Variants in ABCB9 observed in about 807,000 individuals in gnomAD.
ABCB9 encodes the protein ATP binding cassette subfamily B member 9, also known as ABC-type oligopeptide transporter ABCB9.
ABCB9 carries 36 observed loss-of-function variants against 62.0 expected under a neutral mutation model. That is an observed-to-expected ratio of 0.58 (90% confidence interval 0.45 to 0.77). The LOEUF (loss-of-function observed/expected upper bound fraction) is 0.77, where lower values mean the gene tolerates loss of function less well. ABCB9 is among the 30% of genes least tolerant of loss of function. The pLI is 0.00. For synonymous variants in ABCB9, 435 were observed against 461.4 expected (o/e 0.94, Z 0.73); for missense variants, 943 against 1,054.7 (o/e 0.89, Z 1.47).
chr12:122,931,635 T>C (rs1047677441), intron 11 of ABCB9: 1 of 153,272 alleles, frequency 6.5e-6, no homozygotes, highest in Non-Finnish European at 1.4e-5. Context: ...TATTTTATTT[T>C]GTTTTGTTTT....
downstream of ABCB9, among the ~76,000 whole-genome samples, chr12:122,928,159 A>C (rs1275415922): frequency 6.6e-6 from 1 of 152,196 alleles, no homozygotes; most frequent in Non-Finnish European, 1.5e-5. Flanking sequence ...ATCCAATGAC[A>C]AGTGCTTTTA....
chr12:122,946,658 C>T (rs934395758), intron 5 of ABCB9, among the ~76,000 whole-genome samples: 2 of 152,254 alleles, frequency 1.3e-5, no homozygotes, highest in Non-Finnish European at 2.9e-5. Flanking sequence ...GCACCATTTA[C>T]ATCATCAACA....
At chr12:122,925,838 G>A (rs1306987000), downstream of ABCB9, among the ~76,000 whole-genome samples, 2 of 152,216 alleles carry the variant, frequency 1.3e-5, no homozygotes, top group African/African-American at 4.8e-5. Flanking sequence ...GGTGGAAACA[G>A]CCCAAATATC....
In ABCB9 at chr12:122,950,579, G is replaced by A. The variant is rs898561838; in HGVS notation, c.602-14C>T. The stretch of plus-strand genomic sequence containing the variant: ...GGAAGGTCTCTCCTGGGGGAGGCAG[G>A]GCAGCCTCAGGGACGTCTGCAGCCA... On this transcript the variant is annotated splice_polypyrimidine_tract_variant and intron_variant, in intron 2 of 11. Transcript: ENST00000280560. 6.2e-7 allele frequency: 1 copy of A among 1,604,912 alleles called. No homozygotes were observed. The highest frequency in any genetic ancestry group is 8.5e-7 in the Non-Finnish European group (1 of 1,176,220).
rs1173224186 is a variant in ABCB9, at chr12:122,944,570, C to A, written c.1252-51G>T. ...GGTCGAGGGGACCTTAGATCCCCCA[C>A]CATCCCCATTCCCTGACCCATCCCA... is the stretch of plus-strand genomic sequence containing the variant. On this transcript the variant is annotated intron_variant, in intron 6 of 11. Coordinates refer to ENST00000280560, the MANE Select transcript of ABCB9 (RefSeq NM_019625.4). The surrounding 1 kb of genome is among the most constrained non-coding windows in gnomAD (Gnocchi z 4.9). 6.2e-7 allele frequency: 1 copy of A among 1,601,434 alleles called. No homozygotes were observed. The highest frequency in any genetic ancestry group is 8.5e-7 in the Non-Finnish European group (1 of 1,172,928).
In ABCB9 at chr12:122,946,179, T is replaced by C. The variant is rs778268299; in HGVS notation, c.1097A>G (p.Asn366Ser). 1.9e-6 allele frequency: 3 copies of C among 1,614,044 alleles called. No individual in the cohort carries two copies. Among genetic ancestry groups the C allele is most frequent in the Non-Finnish European group, 1.7e-6 (2 of 1,180,036 alleles). Residue 366 changes from asparagine to serine, a missense_variant, in exon 6 of 12, where the codon AAC becomes AGC. Asn to Ser is a conservative substitution (Grantham distance 46, BLOSUM62 1). Coordinates refer to ENST00000280560, the MANE Select transcript of ABCB9 (RefSeq NM_019625.4). ...EVQNALARASNTAEETISAMK... is the reference protein window; with the variant it reads ...EVQNALARASSTAEETISAMK... The stretch of plus-strand genomic sequence containing the variant: ...GGCACTGATGGTCTCCTCCGCCGTG[T>C]TGCTCGCTCTGGCCAGGGCATTCTG...
chr12:122,968,804 G>A (rs992540841), upstream of ABCB9, among the ~76,000 whole-genome samples: 11 of 152,002 alleles, frequency 7.2e-5, no homozygotes, highest in African/African-American at 2.7e-4. Flanking sequence ...TAGTAGAGAT[G>A]GGGTTTTGCC....
At chr12:122,966,842 C>T (rs936556327), upstream of ABCB9, among the ~76,000 whole-genome samples, 2 of 152,246 alleles carry the variant, frequency 1.3e-5, no homozygotes, top group Non-Finnish European at 2.9e-5. Flanking sequence ...GGACAGCCAG[C>T]CAGTCCAGGA....
chr12:122,928,326 G>A (rs943684094), downstream of ABCB9, among the ~76,000 whole-genome samples: 1 of 152,162 alleles, frequency 6.6e-6, no homozygotes, highest in Middle Eastern at 3.4e-3. Flanking sequence ...AAAATGAGCC[G>A]GGTGTGGTGG....
chr12:122,930,630 G>T lies in ABCB9; in HGVS notation c.2041-459C>A, dbSNP rs1278127022. Reference sequence around the variant, plus strand: ...TCACCATGTTGGCCAGACTGGTCTCGAACACCTGACTTTGTGATCCGCCTG... The same window carrying T: ...TCACCATGTTGGCCAGACTGGTCTCTAACACCTGACTTTGTGATCCGCCTG... On this transcript the variant is annotated intron_variant, in intron 11 of 11. Coordinates refer to ENST00000280560, the MANE Select transcript of ABCB9 (RefSeq NM_019625.4). The surrounding 1 kb of genome is among the most constrained non-coding windows in gnomAD (Gnocchi z 4.9). 6.6e-6 allele frequency among the ~76,000 whole-genome samples: 1 copy of T among 151,874 alleles called. No homozygotes were observed. The highest frequency in any genetic ancestry group is 6.6e-5 in the Admixed American group (1 of 15,216).
intron 2 of ABCB9, among the ~76,000 whole-genome samples, chr12:122,958,803 C>CT (rs2036744066): frequency 6.6e-6 from 1 of 152,112 alleles, no homozygotes; most frequent in Non-Finnish European, 1.5e-5. Context: ...GATCATGCCA[C>CT]TGCACTACAG....
In ABCB9 at chr12:122,944,332, A is replaced by G; in HGVS notation, c.1380+59T>C. The stretch of plus-strand genomic sequence containing the variant: ...GGAGCCCCGCCCCCACCCTGTTAAG[A>G]TCCCTCTTCCCCAAACTCCTCCCTT... On this transcript the variant is annotated intron_variant, in intron 7 of 11. Transcript: ENST00000280560. This position sits in a 1 kb window ranked among gnomAD's most constrained non-coding sequence, Gnocchi z 4.9. The G allele has an allele frequency of 6.5e-7, 1 of 1,538,702 alleles. No homozygotes were observed. The highest frequency in any genetic ancestry group is 8.8e-7 in the Non-Finnish European group (1 of 1,132,916).
chr12:122,950,047 C>G (rs1021035284), intron 3 of ABCB9, 129 bp from the exon 4 acceptor site: 1 of 1,286,714 alleles, frequency 7.8e-7, no homozygotes, highest in East Asian at 2.3e-5. Context: ...GGCATCCCTG[C>G]GGGGTCCCCC....
intron 2 of ABCB9, among the ~76,000 whole-genome samples, chr12:122,956,685 T>C (rs913611800): frequency 2.0e-5 from 3 of 152,184 alleles, no homozygotes; most frequent in Admixed American, 6.5e-5. Context: ...CACATCTGGC[T>C]AAGTTTTATA....
At chr12:122,955,902 G>A (rs1230764110) in intron 2 of ABCB9, among the ~76,000 whole-genome samples, 1 of 152,050 alleles carries the variant, frequency 6.6e-6, no homozygotes, top group East Asian at 1.9e-4. Flanking sequence ...AGTAGAGACG[G>A]GGTTTTGCCA....
chr12:122,946,961 C>A (rs1003453195), intron 5 of ABCB9, among the ~76,000 whole-genome samples: 1 of 152,232 alleles, frequency 6.6e-6, no homozygotes, highest in African/African-American at 2.4e-5. Context: ...CTGGCATGTC[C>A]CATGACCATG....
At chr12:122,974,180 C>G (rs1244922108) in intron 1 of ABCB9, among the ~76,000 whole-genome samples, 1 of 152,194 alleles carries the variant, frequency 6.6e-6, no homozygotes, top group Non-Finnish European at 1.5e-5. Flanking sequence ...CCGACCTGCC[C>G]TGGGCCTCCT....
At chr12:122,960,386 C>A in intron 1 of ABCB9, 64 bp from the exon 2 acceptor site, 2 of 1,125,668 alleles carry the variant, frequency 1.8e-6, no homozygotes, top group Non-Finnish European at 2.4e-6. Context: ...GGCTGTGTGA[C>A]CTTGAGAAAG....
At chr12:122,943,262 C>T (rs1045477314) in intron 7 of ABCB9, among the ~76,000 whole-genome samples, 7 of 152,212 alleles carry the variant, frequency 4.6e-5, no homozygotes, top group African/African-American at 1.7e-4. Context: ...ACAACTCACT[C>T]TGCTGACTTC....
Sources: gnomAD v4.1 joint callset for allele counts (sites outside exome capture counted in the v4.1 genomes callset) on GRCh38, gnomAD v4.1.1 for gene constraint, Gnocchi (gnomAD v3.1) non-coding constraint, MANE v1.5 for transcripts, NCBI Gene and HGNC (gene_info 2026-07-23, HGNC 2026-07-21) for gene names.